Variants in ABR observed in about 807,000 individuals in gnomAD.
The protein encoded by ABR is ABR activator of RhoGEF and GTPase.
In ABR, 35 loss-of-function variants were observed where a neutral mutation model predicts 107.2. That is an observed-to-expected ratio of 0.33 (90% CI 0.25 to 0.43). The LOEUF (loss-of-function observed/expected upper bound fraction) is 0.43. Among genes scored for constraint, ABR ranks in the 20% least tolerant of loss-of-function variants. ABR has a pLI of 1.00. For synonymous variants in ABR, 498 were observed against 462.0 expected, an observed-to-expected ratio of 1.08 and a Z score of -1.00; for missense variants, 815 against 1,115.2, an observed-to-expected ratio of 0.73 and a Z score of 3.83.
chr17:1,092,253 T>C lies in ABR; in HGVS notation c.346-403A>G, dbSNP rs1468387308. ...CAGGGAACTCAAGCCTATAGCTGTT[T>C]CCTTCCAAGAAACAGAATGTGGTTC... On this transcript the variant is annotated intron_variant, in intron 3 of 22. Transcript: ENST00000302538. The surrounding 1 kb of genome is among the most constrained non-coding windows in gnomAD (Gnocchi z 4.6). Among the ~76,000 whole-genome samples, 1 of 152,180 alleles carries C rather than the reference T, an allele frequency of 6.6e-6. No homozygotes were observed. The highest frequency in any genetic ancestry group is 1.5e-5 in the Non-Finnish European group (1 of 68,020).
chr17:1,110,106 A>G (rs2038581491), intron 2 of ABR, among the ~76,000 whole-genome samples: 1 of 150,060 alleles, frequency 6.7e-6, no homozygotes, highest in Non-Finnish European at 1.5e-5. Flanking sequence ...AGGGGAGTGC[A>G]CACAGAACCC....
Position 1,013,167 on chromosome 17 carries a change from G to A in ABR, c.1792-3C>T. 30 of 1,614,090 alleles carry A rather than the reference G, an allele frequency of 1.9e-5. No homozygotes were observed. Among genetic ancestry groups the A allele is most frequent in the Non-Finnish European group, 2.5e-5 (29 of 1,179,936 alleles). ...GTCTCCACGGTTTGTGGGTCCAGCT[G>A]CAGAGAGAGAATGTGGGTGAGAGAG... On this transcript the variant is annotated splice_region_variant and splice_polypyrimidine_tract_variant and intron_variant, in intron 16 of 22. Coordinates refer to ENST00000302538, the MANE Select transcript of ABR (RefSeq NM_021962.5).
At chr17:1,169,651 C>G (rs2041635426) in intron 1 of ABR, among the ~76,000 whole-genome samples, 1 of 152,192 alleles carries the variant, frequency 6.6e-6, no homozygotes, top group Non-Finnish European at 1.5e-5. Flanking sequence ...TCTGGAGGGT[C>G]TGCCCCGTCA....
chr17:1,224,701 G>C (rs761918497), intron 1 of ABR, among the ~76,000 whole-genome samples: 108 of 152,240 alleles, frequency 7.1e-4, no homozygotes, highest in Non-Finnish European at 1.4e-3. Flanking sequence ...TAGAGACAGG[G>C]ACTCGCTCTG....
chr17:1,142,962 G>GCTCACTCCTGGGAGGAAT (rs1295659476), intron 1 of ABR, among the ~76,000 whole-genome samples: 2 of 151,960 alleles, frequency 1.3e-5, no homozygotes, highest in Non-Finnish European at 2.9e-5. Flanking sequence ...CTGGGAGGAA[G>GCTCACTCCTGGGAGGAAT]CTCACTCCTG....
chr17:1,057,159 G>T, intron 12 of ABR, 57 bp from the exon 13 acceptor site: 1 of 1,216,620 alleles, frequency 8.2e-7, no homozygotes, highest in Non-Finnish European at 1.2e-6. Context: ...AGGACCGGCT[G>T]CTCTTCCCTG....
At chr17:1,113,348 A>G (rs548567889) in intron 2 of ABR, among the ~76,000 whole-genome samples, 247 of 126,696 alleles carry the variant, frequency 1.9e-3, no homozygotes, top group African/African-American at 7.1e-3. Flanking sequence ...GTGCAGTGGC[A>G]TGATCTCAGC....
chr17:1,101,068 C>T lies in ABR; in HGVS notation c.247-333G>A, dbSNP rs1417994453. ...AGAACTCCTGACCTCAGGTGATCCA[C>T]CCACCTCAGCCTCCCAAAGTGCTGG... On this transcript the variant is annotated intron_variant, in intron 2 of 22. Transcript: ENST00000302538. 31 of 296,780 alleles carry T rather than the reference C, an allele frequency of 1.0e-4. 1 individual carries two copies. The East Asian group carries it at 1.8e-3, about 17-fold the overall frequency. The allele number at this position is 296,780 out of a possible 1,614,324, so 18.4% of individuals were successfully genotyped here.
chr17:1,145,825 C>T (rs939960051), intron 1 of ABR, among the ~76,000 whole-genome samples: 4 of 152,326 alleles, frequency 2.6e-5, no homozygotes, highest in East Asian at 3.9e-4. Context: ...TGCCCCTGTC[C>T]GCAGAAGTCG....
chr17:1,101,199 T>G lies in ABR; in HGVS notation c.247-464A>C, dbSNP rs1241543352. On this transcript the variant is annotated intron_variant, in intron 2 of 22. Coordinates refer to ENST00000302538, the MANE Select transcript of ABR (RefSeq NM_021962.5). ...CATGTTGGCCAGGCTGGTATAGAAC[T>G]CCTGACCTCAGGTGATCCGTCCGCC... 3 of 162,960 alleles carry G rather than the reference T, an allele frequency of 1.8e-5. No individual in the cohort carries two copies. The East Asian group carries it at 5.0e-4, about 27-fold the overall frequency. The allele number at this position is 162,960 out of a possible 1,614,324, so 10.1% of individuals were successfully genotyped here. A position where few individuals can be genotyped will look rare whatever the true frequency, so the allele number is the denominator to read the frequency against.
chr17:1,183,194 G>A (rs1318232910), upstream of ABR, among the ~76,000 whole-genome samples: 1 of 152,106 alleles, frequency 6.6e-6, no homozygotes, highest in Non-Finnish European at 1.5e-5. Context: ...GGACCGGGTG[G>A]GGACCAGCCA....
rs2069985558 is a variant in ABR at position 1,005,879 on chromosome 17, C to T, written c.*201G>A. On this transcript the variant is annotated 3_prime_UTR_variant, in exon 23 of 23. Coordinates refer to ENST00000302538, the MANE Select transcript of ABR (RefSeq NM_021962.5). The stretch of plus-strand genomic sequence containing the variant: ...GGTATGGAGGGCAGGAGGTGGGATG[C>T]GGTGGTGAGGCTGGGGCTGGGCAGC... The T allele has an allele frequency of 3.3e-6, 2 of 608,134 alleles. No individual in the cohort carries two copies. Among genetic ancestry groups the T allele is most frequent in the South Asian group, 1.9e-5 (1 of 52,306 alleles). 37.7% of individuals were successfully genotyped at this position (608,134 alleles called of 1,614,324 possible). A position where few individuals can be genotyped will look rare whatever the true frequency, so the allele number is the denominator to read the frequency against.
chr17:1,090,300 G>A (rs1478466761), intron 4 of ABR, among the ~76,000 whole-genome samples: 1 of 152,108 alleles, frequency 6.6e-6, no homozygotes, highest in Non-Finnish European at 1.5e-5. Context: ...GGTCTCTCGA[G>A]CCATTCCTCG....
At chr17:1,033,773 G>A (rs75725340) in intron 16 of ABR, among the ~76,000 whole-genome samples, 5,471 of 152,194 alleles carry the variant, frequency 0.036, 324 homozygotes, top group African/African-American at 0.12. Flanking sequence ...AGGGGGAGGT[G>A]GAGAGACGGA....
chr17:1,224,249 T>C (rs1179781307), intron 1 of ABR, among the ~76,000 whole-genome samples: 3 of 152,106 alleles, frequency 2.0e-5, no homozygotes, highest in Non-Finnish European at 2.9e-5. Flanking sequence ...TTGTCTTTCC[T>C]GGTACCAAGC....
intron 16 of ABR, among the ~76,000 whole-genome samples, chr17:1,016,638 C>T (rs2071189640): frequency 6.6e-6 from 1 of 151,834 alleles, no homozygotes; most frequent in Non-Finnish European, 1.5e-5. Flanking sequence ...TTTCTAAAAG[C>T]CCCTCTGTTC....
At chr17:1,040,271 G>A (rs1261857815) in intron 16 of ABR, among the ~76,000 whole-genome samples, 2 of 152,192 alleles carry the variant, frequency 1.3e-5, no homozygotes, top group Non-Finnish European at 2.9e-5. Flanking sequence ...GGAGGGAAGT[G>A]GGGCAGGGGA....
intron 2 of ABR, among the ~76,000 whole-genome samples, chr17:1,110,618 C>A (rs374874169): frequency 6.6e-6 from 1 of 152,210 alleles, no homozygotes; most frequent in African/African-American, 2.4e-5. Context: ...GCCCCCCACT[C>A]CCCCCAGAAT....
At chr17:1,215,660 C>A (rs1271893890) in intron 1 of ABR, among the ~76,000 whole-genome samples, 1 of 152,190 alleles carries the variant, frequency 6.6e-6, no homozygotes, top group Non-Finnish European at 1.5e-5. Flanking sequence ...CCGGCCGCCA[C>A]CCCGTCTGGG....
Sources: allele counts gnomAD v4.1 joint callset (sites outside exome capture counted in the v4.1 genomes callset), GRCh38; gene constraint gnomAD v4.1.1; non-coding constraint Gnocchi (gnomAD v3.1); transcripts MANE v1.5; gene names NCBI Gene and HGNC (gene_info 2026-07-23, HGNC 2026-07-21).